TIMP4: variants seen among roughly 807,000 people sequenced by gnomAD.
The protein encoded by TIMP4 is TIMP metallopeptidase inhibitor 4.
A neutral mutation model predicts 27.3 loss-of-function variants in TIMP4; 28 were observed. The observed-to-expected ratio is 1.03, with a 90% CI of 0.76 to 1.41. The LOEUF is 1.41. TIMP4 is among the 40% of genes most tolerant of loss of function. The pLI, the probability that TIMP4 is intolerant of heterozygous loss-of-function variation, is 0.00. For missense variants in TIMP4, 307 were observed against 285.5 expected (o/e 1.08, Z -0.54); for synonymous variants, 138 against 115.5 (o/e 1.20, Z -1.25).
rs751481504 is a variant in TIMP4, at chr3:12,157,426, C to T, written c.196G>A (p.Asp66Asn). Reference protein sequence around the residue: ...KVVPASADPADTEKMLRYEIK... With the variant: ...KVVPASADPANTEKMLRYEIK... ...TCATACCGGAGCATTTTTTCAGTGT[C>T]AGCAGGGTCTGCACTGGCCGGAACT... The change falls in exon 2 of 5, where the codon GAC becomes AAC. Residue 66 changes from aspartate to asparagine, a missense_variant. Coordinates refer to ENST00000287814, the MANE Select transcript of TIMP4 (RefSeq NM_003256.4). 6 of 1,614,172 alleles carry T rather than the reference C, an allele frequency of 3.7e-6. No individual in the cohort carries two copies. The highest frequency in any genetic ancestry group is 5.1e-6 in the Non-Finnish European group (6 of 1,180,034).
chr3:12,156,687 A>G (rs980010818), intron 3 of TIMP4, 133 bp downstream of exon 3: 1 of 636,348 alleles, frequency 1.6e-6, no homozygotes, highest in East Asian at 2.7e-5. Context: ...TCACTAACAC[A>G]GCTCTGTTTT....
chr3:12,156,576 C>G (rs1697463448), intron 3 of TIMP4, among the ~76,000 whole-genome samples: 1 of 152,164 alleles, frequency 6.6e-6, no homozygotes, highest in Non-Finnish European at 1.5e-5. Context: ...GGGTGAGCAG[C>G]CTGTCCTTAA....
At chr3:12,156,252 C>T (rs940003408) in intron 3 of TIMP4, among the ~76,000 whole-genome samples, 11 of 152,328 alleles carry the variant, frequency 7.2e-5, no homozygotes, top group African/African-American at 2.6e-4. Context: ...TGAAGCTTCC[C>T]TGATAGTTCA....
At chr3:12,158,661 C>A (rs1480364010) in intron 1 of TIMP4, 41 bp downstream of exon 1, 2 of 1,605,662 alleles carry the variant, frequency 1.2e-6, no homozygotes, top group African/African-American at 2.7e-5. Context: ...TAATCCCCCA[C>A]AACCACCCCC....
chr3:12,157,301 G>T, intron 2 of TIMP4, 84 bp downstream of exon 2: 1 of 1,345,728 alleles, frequency 7.4e-7, no homozygotes, highest in Non-Finnish European at 1.1e-6. Context: ...CAGGCCACCT[G>T]AAAGCTACCA....
rs373444757 is a variant in TIMP4 at position 12,154,470 on chromosome 3, G to T, written c.353-19C>A. 130 of 1,613,574 alleles carry T rather than the reference G, an allele frequency of 8.1e-5. No homozygotes were observed. The highest frequency in any genetic ancestry group is 1.1e-4 in the Non-Finnish European group (129 of 1,179,702). The stretch of plus-strand genomic sequence containing the variant: ...ACCTGACCTTCAAGGGGAGATGGAG[G>T]AGAGTCAAGCATCAGGATTCTTCTC... On this transcript the variant is annotated intron_variant, in intron 3 of 4. Coordinates refer to ENST00000287814, the MANE Select transcript of TIMP4 (RefSeq NM_003256.4).
rs1369474554 is a variant in TIMP4, at chr3:12,156,949, C to CA, written c.238-16dup. ...CCTTTGAACATCTGACAGGCAATTA[C>CA]AAAAAAAGGCAATATTGGGTCAGTG... On this transcript the variant is annotated splice_polypyrimidine_tract_variant and intron_variant, in intron 2 of 4. Coordinates refer to ENST00000287814, the MANE Select transcript of TIMP4 (RefSeq NM_003256.4). 2.5e-5 allele frequency: 40 copies of CA among 1,580,712 alleles called. No individual in the cohort carries two copies. The highest frequency in any genetic ancestry group is 3.2e-5 in the Non-Finnish European group (37 of 1,152,664).
chr3:12,156,005 C>T (rs1697445790), intron 3 of TIMP4, among the ~76,000 whole-genome samples: 1 of 152,172 alleles, frequency 6.6e-6, no homozygotes, highest in South Asian at 2.1e-4. Context: ...GCCTATGACT[C>T]ATCAAGAGCC....
chr3:12,157,507 A>G, intron 1 of TIMP4, 25 bp from the exon 2 acceptor site: 3 of 1,611,148 alleles, frequency 1.9e-6, no homozygotes, highest in Non-Finnish European at 2.5e-6. Context: ...AAAAGAGGGA[A>G]CCTTCAGCAG....
intron 4 of TIMP4, 53 bp from the exon 5 acceptor site, chr3:12,153,765 A>T (rs1318285505): frequency 1.9e-5 from 31 of 1,592,704 alleles, no homozygotes; most frequent in Non-Finnish European, 2.6e-5. Flanking sequence ...TTCTTTTTCC[A>T]TTGCTGCCTT....
In TIMP4 at chr3:12,158,894, A is replaced by T; in HGVS notation, c.-54T>A. On this transcript the variant is annotated 5_prime_UTR_variant, in exon 1 of 5. Coordinates refer to ENST00000287814, the MANE Select transcript of TIMP4 (RefSeq NM_003256.4). ...GAGGTCTGGGGGACTGGACGGCCCC[A>T]GCAGGGCTCCTTCCCAAGGCCGTTG... 4 of 1,468,254 alleles carry T rather than the reference A, an allele frequency of 2.7e-6. No individual in the cohort carries two copies. In the East Asian group the frequency reaches 1.0e-4, roughly 37 times the overall value. 91.0% of individuals were successfully genotyped at this position (1,468,254 alleles called of 1,614,324 possible).
chr3:12,153,457 A>C lies in TIMP4; in HGVS notation c.*58T>G. 1.9e-6 allele frequency: 3 copies of C among 1,591,972 alleles called. No homozygotes were observed. The highest frequency in any genetic ancestry group is 2.6e-6 in the Non-Finnish European group (3 of 1,161,984). ...GGTAATGGCCAAAGCTCTGCAGGGA[A>C]GGAGAACTGGCTTGATCTTCAGGAC... On this transcript the variant is annotated 3_prime_UTR_variant, in exon 5 of 5. Coordinates refer to ENST00000287814, the MANE Select transcript of TIMP4 (RefSeq NM_003256.4).
intron 2 of TIMP4, 92 bp from the exon 3 acceptor site, chr3:12,157,026 A>G: frequency 1.1e-6 from 1 of 918,506 alleles, no homozygotes; most frequent in Non-Finnish European, 1.7e-6. Context: ...CAGCCTAAAA[A>G]TGTAAGCAAA....
intron 3 of TIMP4, among the ~76,000 whole-genome samples, chr3:12,155,889 G>C (rs1193608681): frequency 6.6e-6 from 1 of 152,160 alleles, no homozygotes; most frequent in Non-Finnish European, 1.5e-5. Context: ...GAACTGCAGG[G>C]CTCAGTGGTG....
chr3:12,156,771 T>G (rs777309788), intron 3 of TIMP4, 49 bp downstream of exon 3: 4 of 1,495,836 alleles, frequency 2.7e-6, no homozygotes, highest in East Asian at 2.3e-5. Context: ...CTACCTCCCC[T>G]AGGGCAGAAT....
chr3:12,157,740 A>AGAGCT lies in TIMP4; in HGVS notation c.140-263_140-259dup, dbSNP rs562208951. Among the ~76,000 whole-genome samples, 383 of 152,290 alleles carry AGAGCT rather than the reference A, an allele frequency of 2.5e-3. 2 individuals are homozygous for AGAGCT. The highest frequency in any genetic ancestry group is 8.6e-3 in the African/African-American group (356 of 41,558). ...CTGCCTTTTGAACCAGTTAGTCTGG[A>AGAGCT]GAGCTCTAGTTCTCCATAGCCGTTT... On this transcript the variant is annotated intron_variant, in intron 1 of 4. Coordinates refer to ENST00000287814, the MANE Select transcript of TIMP4 (RefSeq NM_003256.4).
At chr3:12,158,564 A>T in intron 1 of TIMP4, 138 bp downstream of exon 1, 1 of 1,300,544 alleles carries the variant, frequency 7.7e-7, no homozygotes, top group Non-Finnish European at 1.1e-6. Context: ...GTCCTTCTCC[A>T]CCCATCAGCC....
At chr3:12,154,743 C>T (rs1378886200) in intron 3 of TIMP4, among the ~76,000 whole-genome samples, 4 of 152,096 alleles carry the variant, frequency 2.6e-5, no homozygotes, top group African/African-American at 9.7e-5. Context: ...GTGTGGGATC[C>T]CCCTTTCTTT....
chr3:12,156,753 C>T, intron 3 of TIMP4, 67 bp downstream of exon 3: 1 of 1,352,544 alleles, frequency 7.4e-7, no homozygotes. Context: ...ACCCTGGCTC[C>T]TTTCTCACTA....
Sources: gnomAD v4.1 joint callset for allele counts (sites outside exome capture counted in the v4.1 genomes callset) on GRCh38, gnomAD v4.1.1 for gene constraint, MANE v1.5 for transcripts, NCBI Gene and HGNC (gene_info 2026-07-23, HGNC 2026-07-21) for gene names.